MYO9A: variants seen among roughly 807,000 people sequenced by gnomAD.
The protein encoded by MYO9A is myosin IXA.
Under a neutral mutation model 293.3 loss-of-function variants are expected in MYO9A, and 103 were observed. That is an observed-to-expected ratio of 0.35 (90% CI 0.30 to 0.41). The LOEUF (loss-of-function observed/expected upper bound fraction) is 0.41, where lower values mean the gene tolerates loss of function less well. Ranked by LOEUF, MYO9A falls within the 10% of genes least tolerant of loss-of-function variation. The pLI is 1.00. For synonymous variants in MYO9A, 1,001 were observed against 1,035.7 expected (o/e 0.97, Z 0.64); for missense variants, 2,685 against 3,033.0 (o/e 0.89, Z 2.69).
chr15:71,992,586 A>T (rs8039378), intron 10 of MYO9A, among the ~76,000 whole-genome samples: 3,265 of 152,210 alleles, frequency 0.021, 107 homozygotes, highest in African/African-American at 0.075. Context: ...AATTTTTATG[A>T]CTGTGAGTTT....
chr15:72,112,398 G>T (rs1163564429), intron 1 of MYO9A, among the ~76,000 whole-genome samples: 2 of 152,062 alleles, frequency 1.3e-5, no homozygotes, highest in African/African-American at 4.8e-5. Flanking sequence ...ACACTATTTG[G>T]AAAGTGCTTT....
intron 39 of MYO9A, among the ~76,000 whole-genome samples, chr15:71,842,776 C>G (rs7169119): frequency 1.3e-5 from 2 of 151,390 alleles, no homozygotes; most frequent in Non-Finnish European, 2.9e-5. Context: ...AGGAGAATGG[C>G]GTGAACCCAG....
intron 1 of MYO9A, among the ~76,000 whole-genome samples, chr15:72,097,101 G>A (rs2080088707): frequency 6.6e-6 from 1 of 152,200 alleles, no homozygotes; most frequent in South Asian, 2.1e-4. Context: ...AGTTGATAAA[G>A]CAGCTGCAGG....
chr15:71,985,011 C>T (rs2076374039), intron 11 of MYO9A, among the ~76,000 whole-genome samples: 1 of 152,196 alleles, frequency 6.6e-6, no homozygotes, highest in Non-Finnish European at 1.5e-5. Context: ...CCTCCGCCTC[C>T]TGGGTTCAAG....
intron 2 of MYO9A, among the ~76,000 whole-genome samples, chr15:72,044,365 C>T (rs1359629970): frequency 1.3e-5 from 2 of 150,048 alleles, no homozygotes; most frequent in African/African-American, 4.9e-5. Context: ...GAGACCGCAC[C>T]ATTGCACTCC....
At chr15:71,852,003 A>C in intron 36 of MYO9A, 129 bp downstream of exon 36, 5 of 1,105,092 alleles carry the variant, frequency 4.5e-6, no homozygotes, top group Non-Finnish European at 6.1e-6. Flanking sequence ...TTTTGTATTC[A>C]CTGTCAAAAG....
At chr15:71,919,371 G>A (rs921676032) in intron 18 of MYO9A, among the ~76,000 whole-genome samples, 2 of 151,886 alleles carry the variant, frequency 1.3e-5, no homozygotes, top group African/African-American at 2.4e-5. Flanking sequence ...TGAGCTCAGG[G>A]GGCAGAGGCT....
At chr15:71,845,433 A>G (rs907203967) in intron 39 of MYO9A, among the ~76,000 whole-genome samples, 1 of 152,220 alleles carries the variant, frequency 6.6e-6, no homozygotes, top group African/African-American at 2.4e-5. Flanking sequence ...CTCAGAGTGT[A>G]GCCCACAGAT....
intron 18 of MYO9A, among the ~76,000 whole-genome samples, chr15:71,919,657 A>G (rs536529710): frequency 6.6e-6 from 1 of 152,094 alleles, no homozygotes; most frequent in East Asian, 1.9e-4. Flanking sequence ...CCTGGCCAAC[A>G]TGGCGAAACC....
chr15:72,036,467 GA>G (rs2078049974), intron 2 of MYO9A: 3 of 152,096 alleles, frequency 2.0e-5, no homozygotes, highest in Non-Finnish European at 4.4e-5. Context: ...TCTTGGTTAG[GA>G]AAATCAGGCA....
At chr15:72,015,693 T>G (rs1333383768) in intron 6 of MYO9A, among the ~76,000 whole-genome samples, 2 of 148,436 alleles carry the variant, frequency 1.3e-5, no homozygotes, top group East Asian at 2.0e-4. Context: ...GTTTTTTTTT[T>G]TTTTTTTTTT....
At chr15:72,010,736 A>C (rs2077148324) in intron 6 of MYO9A, among the ~76,000 whole-genome samples, 2 of 152,216 alleles carry the variant, frequency 1.3e-5, no homozygotes, top group South Asian at 4.1e-4. Context: ...AGCTGTACTC[A>C]GTAAGTGTGC....
chr15:72,027,510 T>A (rs190850740), intron 4 of MYO9A, among the ~76,000 whole-genome samples: 109 of 152,196 alleles, frequency 7.2e-4, no homozygotes, highest in Non-Finnish European at 1.2e-3. Flanking sequence ...AGAAACTGCT[T>A]ACTTGTTCTG....
chr15:71,841,164 A>T (rs1055140957), intron 39 of MYO9A, among the ~76,000 whole-genome samples: 2 of 152,198 alleles, frequency 1.3e-5, no homozygotes, highest in Non-Finnish European at 2.9e-5. Context: ...TTTTGCATGT[A>T]TATAATCATA....
chr15:71,949,230 T>C (rs2058995689), intron 15 of MYO9A, among the ~76,000 whole-genome samples: 1 of 152,108 alleles, frequency 6.6e-6, no homozygotes, highest in Admixed American at 6.5e-5. Flanking sequence ...TTTGAGACAG[T>C]CTTGCTCTGT....
chr15:71,906,758 C>CTTTTTTTTTTTTTTTTTT (rs71131714), intron 19 of MYO9A, among the ~76,000 whole-genome samples: 9 of 61,012 alleles, frequency 1.5e-4, no homozygotes, highest in African/African-American at 3.8e-4. Context: ...CCATTTCTTT[C>CTTTTTTTTTTTTTTTTTT]TTTTTTTTTT....
At chr15:71,869,494 A>G (rs2056440562) in intron 32 of MYO9A, among the ~76,000 whole-genome samples, 1 of 152,228 alleles carries the variant, frequency 6.6e-6, no homozygotes, top group Non-Finnish European at 1.5e-5. Context: ...CTTGATTAAA[A>G]GAGATTTAAA....
At chr15:71,938,468 T>G (rs79433248) in intron 16 of MYO9A, among the ~76,000 whole-genome samples, 12 of 152,238 alleles carry the variant, frequency 7.9e-5, no homozygotes, top group Non-Finnish European at 1.6e-4. Context: ...AAAAAAGGTA[T>G]TGGATGGTTT....
intron 13 of MYO9A, among the ~76,000 whole-genome samples, chr15:71,965,815 T>C (rs756908164): frequency 5.9e-5 from 9 of 152,156 alleles, no homozygotes; most frequent in Admixed American, 2.6e-4. Flanking sequence ...GCCCCTTTTA[T>C]CATTATAAAA....
Sources: gnomAD v4.1 joint callset for allele counts (sites outside exome capture counted in the v4.1 genomes callset) on GRCh38, gnomAD v4.1.1 for gene constraint, MANE v1.5 for transcripts, NCBI Gene and HGNC (gene_info 2026-07-23, HGNC 2026-07-21) for gene names.